The following RBFOX1 variants were observed in gnomAD, a reference collection of about 807,000 sequenced individuals.
The protein encoded by RBFOX1 is RNA binding fox-1 homolog 1.
A neutral mutation model predicts 57.7 loss-of-function variants in RBFOX1; 8 were observed. The observed-to-expected ratio is 0.14, with a 90% CI of 0.08 to 0.25. RBFOX1 has a LOEUF of 0.25. Ranked by LOEUF, RBFOX1 falls within the 10% of genes least tolerant of loss-of-function variation. The probability of loss-of-function intolerance (pLI) is 1.00; values close to 1 mark genes in which losing one functional copy is unlikely to be tolerated. For missense variants in RBFOX1, 611 were observed against 548.5 expected, an observed-to-expected ratio of 1.11 and a Z score of -1.14; for synonymous variants, 326 against 222.4, an observed-to-expected ratio of 1.47 and a Z score of -4.15.
At chr16:7,003,283 AC>A (rs199855337) in intron 3 of RBFOX1, among the ~76,000 whole-genome samples, 1,535 of 151,920 alleles carry the variant, frequency 0.01, 27 homozygotes, top group African/African-American at 0.032. Context: ...ACATGGTGAA[AC>A]CCCCGTCTCT....
intron 1 of RBFOX1, among the ~76,000 whole-genome samples, chr16:5,442,035 A>G (rs956651534): frequency 2.6e-5 from 4 of 152,096 alleles, no homozygotes; most frequent in African/African-American, 7.2e-5. Flanking sequence ...GACCGGGGAG[A>G]TAGACATGTA....
intron 3 of RBFOX1, among the ~76,000 whole-genome samples, chr16:6,721,365 C>T (rs1034940102): frequency 6.6e-6 from 1 of 152,184 alleles, no homozygotes; most frequent in East Asian, 1.9e-4. Flanking sequence ...ATCACTTGAA[C>T]CCGGGAGGCG....
chr16:6,813,170 T>A (rs574433781), intron 3 of RBFOX1, among the ~76,000 whole-genome samples: 2 of 152,080 alleles, frequency 1.3e-5, no homozygotes, highest in South Asian at 4.2e-4. Context: ...CAGGCCACAA[T>A]GACTTCCTAT....
chr16:7,446,279 A>T (rs190366050), intron 4 of RBFOX1, among the ~76,000 whole-genome samples: 34 of 152,262 alleles, frequency 2.2e-4, no homozygotes, highest in African/African-American at 8.2e-4. Context: ...TCCTTCTATG[A>T]TTGAGTTGCT....
intron 4 of RBFOX1, among the ~76,000 whole-genome samples, chr16:7,470,650 G>A (rs1294263710): frequency 2.6e-5 from 4 of 152,036 alleles, no homozygotes; most frequent in Non-Finnish European, 5.9e-5. Context: ...GTGGATAGAC[G>A]GATGAGTGTA....
intron 1 of RBFOX1, among the ~76,000 whole-genome samples, chr16:5,310,307 C>G (rs1344081152): frequency 6.6e-6 from 1 of 151,980 alleles, no homozygotes; most frequent in Non-Finnish European, 1.5e-5. Context: ...GAGGCTGAGG[C>G]AGAGAATTGC....
intron 2 of RBFOX1, among the ~76,000 whole-genome samples, chr16:6,350,371 G>A (rs562033678): frequency 3.8e-4 from 56 of 145,578 alleles, no homozygotes; most frequent in African/African-American, 1.3e-3. Flanking sequence ...AACCCAGGAG[G>A]CAGAGGTTGC....
At position 6,933,368 on chromosome 16, in the gene RBFOX1, G is replaced by C. The variant is rs1319802944; in HGVS notation, c.-15-118689G>C. Among the ~76,000 whole-genome samples the C allele has an allele frequency of 2.0e-5, 3 of 152,346 alleles. 1 individual carries two copies. The South Asian group carries it at 6.2e-4, about 32-fold the overall frequency. On this transcript the variant is annotated intron_variant, in intron 3 of 15. Coordinates refer to ENST00000550418, the MANE Select transcript of RBFOX1 (RefSeq NM_018723.4). ...GCATTTCCGTCAGCAGTGCACAAGGGTTCCAATCTGTCCACATCATTGCCA... is the reference window on the plus strand; with the variant it reads ...GCATTTCCGTCAGCAGTGCACAAGGCTTCCAATCTGTCCACATCATTGCCA...
At chr16:7,294,037 C>T (rs2095844714) in intron 4 of RBFOX1, among the ~76,000 whole-genome samples, 1 of 152,132 alleles carries the variant, frequency 6.6e-6, no homozygotes, top group African/African-American at 2.4e-5. Flanking sequence ...GGTCAAAGAA[C>T]CTTGCAGCCA....
intron 2 of RBFOX1, among the ~76,000 whole-genome samples, chr16:6,486,646 C>G (rs978574913): frequency 2.8e-5 from 4 of 141,666 alleles, no homozygotes; most frequent in Non-Finnish European, 6.3e-5. Context: ...AAGCTTGAAC[C>G]CTTAATTTTA....
At position 7,616,367 on chromosome 16, in the gene RBFOX1, C is replaced by A. The variant is rs528094564; in HGVS notation, c.676+9029C>A. On this transcript the variant is annotated intron_variant, in intron 10 of 15. Transcript: ENST00000550418. ...CAGGCATAGTGTTATCAGTGAAGCT[C>A]ACCTGAGCCTTAGTGTCCAGCGTTT... Among the ~76,000 whole-genome samples the A allele has an allele frequency of 1.6e-4, 24 of 152,348 alleles. 1 individual carries two copies. The South Asian group carries it at 5.0e-3, about 32-fold the overall frequency.
At chr16:5,294,228 C>CA (rs2151181837) in intron 1 of RBFOX1, among the ~76,000 whole-genome samples, 1 of 151,936 alleles carries the variant, frequency 6.6e-6, no homozygotes, top group African/African-American at 2.4e-5. Flanking sequence ...GATTCTGTCT[C>CA]AAAAACAAAA....
At chr16:6,041,392 A>G (rs2152416132) in intron 1 of RBFOX1, among the ~76,000 whole-genome samples, 1 of 152,298 alleles carries the variant, frequency 6.6e-6, no homozygotes, top group East Asian at 1.9e-4. Flanking sequence ...AAACAACCAT[A>G]GTTAAGATGA....
chr16:5,677,695 A>C (rs114756010), intron 3 of RBFOX1, among the ~76,000 whole-genome samples: 1,746 of 152,350 alleles, frequency 0.011, 34 homozygotes, highest in African/African-American at 0.04. Flanking sequence ...GGGTCCTTCT[A>C]TCAAGTCTGA....
At chr16:6,607,437 G>A (rs201736545) in intron 2 of RBFOX1, among the ~76,000 whole-genome samples, 243 of 68,080 alleles carry the variant, frequency 3.6e-3, no homozygotes, top group African/African-American at 0.011. Context: ...TCTCTCTCTC[G>A]CTCTCTATCT....
intron 2 of RBFOX1, among the ~76,000 whole-genome samples, chr16:6,346,468 C>T (rs80175815): frequency 0.049 from 7,471 of 151,728 alleles, 271 homozygotes; most frequent in Non-Finnish European, 0.073. Flanking sequence ...TAATCCCAGG[C>T]GGCCAAGGGA....
chr16:5,662,903 A>G (rs2049704311), intron 3 of RBFOX1, among the ~76,000 whole-genome samples: 1 of 152,238 alleles, frequency 6.6e-6, no homozygotes, highest in Non-Finnish European at 1.5e-5. Flanking sequence ...AATAAAGAGC[A>G]TATATCATGT....
chr16:7,192,266 A>G (rs73546581), intron 4 of RBFOX1, among the ~76,000 whole-genome samples: 3,755 of 152,250 alleles, frequency 0.025, 152 homozygotes, highest in African/African-American at 0.085. Flanking sequence ...GTTTTGTGCA[A>G]GGAGAGAGAG....
intron 3 of RBFOX1, among the ~76,000 whole-genome samples, chr16:7,012,279 C>G (rs936296135): frequency 6.6e-6 from 1 of 152,184 alleles, no homozygotes; most frequent in Non-Finnish European, 1.5e-5. Flanking sequence ...GATACAGGAT[C>G]TGAGGCTGAC....
Sources: allele counts gnomAD v4.1 joint callset (sites outside exome capture counted in the v4.1 genomes callset), GRCh38; gene constraint gnomAD v4.1.1; transcripts MANE v1.5; gene names NCBI Gene and HGNC (gene_info 2026-07-23, HGNC 2026-07-21).